The following PPP1R16A variants were observed in gnomAD, a reference collection of about 807,000 sequenced individuals.
PPP1R16A encodes the protein protein phosphatase 1 regulatory subunit 16A.
Under a neutral mutation model 46.6 loss-of-function variants are expected in PPP1R16A, and 39 were observed. The ratio of observed to expected loss-of-function variants is 0.84; its 90% CI spans 0.65 to 1.09. PPP1R16A has a LOEUF of 1.09. PPP1R16A is among the 50% of genes least tolerant of loss of function. PPP1R16A has a pLI of 0.00. For missense variants in PPP1R16A, 798 were observed against 735.6 expected (o/e 1.08, Z -0.98); for synonymous variants, 413 against 321.5 (o/e 1.28, Z -3.04).
chr8:144,499,691 G>A (rs183980344), intron 5 of PPP1R16A: 2,620 of 225,994 alleles, frequency 0.012, 29 homozygotes, highest in South Asian at 0.018. Context: ...CCCCTTCTGT[G>A]TTCTGGGCTC....
At chr8:144,486,058 T>C (rs559821203) in intron 1 of PPP1R16A, among the ~76,000 whole-genome samples, 1 of 152,356 alleles carries the variant, frequency 6.6e-6, no homozygotes, top group East Asian at 1.9e-4. Flanking sequence ...ATGTTTCACC[T>C]GTTACAAGAC....
At chr8:144,497,985 C>T (rs758183757) in intron 3 of PPP1R16A, 4 of 453,836 alleles carry the variant, frequency 8.8e-6, no homozygotes, top group South Asian at 4.7e-5. Context: ...ACCTGTGCCC[C>T]ACGCTTGCAG....
intron 5 of PPP1R16A, chr8:144,499,316 A>C (rs941249549): frequency 4.7e-5 from 25 of 536,732 alleles, no homozygotes; most frequent in Admixed American, 1.7e-4. Flanking sequence ...GCCCCCCCCC[A>C]GAGTGTGCAC....
chr8:144,487,045 T>A (rs952266908), intron 1 of PPP1R16A, among the ~76,000 whole-genome samples: 2 of 152,196 alleles, frequency 1.3e-5, no homozygotes, highest in Non-Finnish European at 2.9e-5. Context: ...TGGAGTGCAG[T>A]GGTGTGATCT....
rs998202306 is a variant in PPP1R16A at position 144,488,431 on chromosome 8, G to A, written c.-913-1603G>A. Among the ~76,000 whole-genome samples the A allele has an allele frequency of 3.3e-5, 5 of 152,178 alleles. No individual in the cohort carries two copies. The South Asian group carries it at 1.0e-3, about 31-fold the overall frequency. On this transcript the variant is annotated intron_variant, in intron 1 of 11. Transcript: ENST00000435887. ...GGGCATGGGGCAAGGTGAGGGCATG[G>A]CAGCGAGGGAGGCACTGGAGTGTTG...
In PPP1R16A at chr8:144,500,302, G is replaced by T; in HGVS notation, c.616G>T (p.Val206Leu). ...GGACAGCATCGAGGCCGCCCGGGCC[G>T]TGCCAGAACTGCGCATGCTGGACGA... ...TQDSIEAARA[V>L]PELRMLDDIR... Residue 206 changes from valine (V) to leucine (L), a missense_variant, in exon 7 of 12, where the codon GTG (valine) becomes TTG (leucine). Physicochemically the swap from Val to Leu is conservative, Grantham distance 32. Transcript: ENST00000435887. 6.5e-7 allele frequency: 1 copy of T among 1,544,186 alleles called. No individual in the cohort carries two copies.
chr8:144,481,765 T>G (rs1825436646), intron 1 of PPP1R16A, among the ~76,000 whole-genome samples: 1 of 152,176 alleles, frequency 6.6e-6, no homozygotes, highest in Non-Finnish European at 1.5e-5. Flanking sequence ...CGTAGTTGAT[T>G]CCCTTTTTCT....
At chr8:144,481,774 C>G (rs1258914205) in intron 1 of PPP1R16A, among the ~76,000 whole-genome samples, 4 of 152,058 alleles carry the variant, frequency 2.6e-5, no homozygotes, top group Non-Finnish European at 5.9e-5. Flanking sequence ...TTCCCTTTTT[C>G]TTTTTTCTTT....
In PPP1R16A at chr8:144,501,300, C is replaced by T. The variant is rs1826447518; in HGVS notation, c.1203+6C>T. 14 of 1,572,692 alleles carry T rather than the reference C, an allele frequency of 8.9e-6. No homozygotes were observed. The highest frequency in any genetic ancestry group is 2.3e-5 in the East Asian group (1 of 42,984). ...TCAGGCCGCCGCCCCCGGAGGTGAG[C>T]GCCCCGTCCCTGCTCCGCCCAGCGC... On this transcript the variant is annotated splice_donor_region_variant and intron_variant, in intron 11 of 11. Transcript: ENST00000435887.
At chr8:144,489,004 G>GACCA (rs1235167847) in intron 1 of PPP1R16A, among the ~76,000 whole-genome samples, 1 of 151,360 alleles carries the variant, frequency 6.6e-6, no homozygotes, top group Admixed American at 6.6e-5. Flanking sequence ...AGGAGTTCAA[G>GACCA]ACCAGCCTTG....
Position 144,500,908 on chromosome 8 carries a change from T to A in PPP1R16A, c.974T>A (p.Leu325Gln). Reference sequence around the variant, plus strand: ...CTGAAGCACAAGCACGACGCCCTCCTGCGCGCCCAGAGCCGCCAGCGCTCC... The same window carrying A: ...CTGAAGCACAAGCACGACGCCCTCCAGCGCGCCCAGAGCCGCCAGCGCTCC... ...LELKHKHDAL[L>Q]RAQSRQRSLL... Residue 325 changes from leucine to glutamine, a missense_variant, in exon 10 of 12, where the codon CTG (leucine) becomes CAG (glutamine). By Grantham distance (113) the Leu-to-Gln change is moderately radical. Transcript: ENST00000435887. 1 of 1,536,180 alleles carries A rather than the reference T, an allele frequency of 6.5e-7. No homozygotes were observed. The highest frequency in any genetic ancestry group is 8.7e-7 in the Non-Finnish European group (1 of 1,143,946).
rs933861282 is a variant in PPP1R16A at position 144,497,011 on chromosome 8, C to A, written c.-184C>A. ...CCTCCCTGCCCCGGCCCATGCCCCC[C>A]AGGGCTGCCTGGGCCTGGTTATTGT... On this transcript the variant is annotated 5_prime_UTR_variant, in exon 3 of 12. Transcript: ENST00000435887. 1.0e-5 allele frequency: 8 copies of A among 776,828 alleles called. No individual in the cohort carries two copies. Among genetic ancestry groups the A allele is most frequent in the Non-Finnish European group, 1.6e-5 (8 of 492,392 alleles). The allele number at this position is 776,828 out of a possible 1,614,324, so 48.1% of individuals were successfully genotyped here.
At chr8:144,482,424 G>T (rs540164532) in intron 1 of PPP1R16A, among the ~76,000 whole-genome samples, 6 of 152,128 alleles carry the variant, frequency 3.9e-5, no homozygotes, top group African/African-American at 1.4e-4. Flanking sequence ...GTCTTGCTCT[G>T]TTGCTCAGGC....
rs1034341557 is a variant in PPP1R16A at position 144,501,291 on chromosome 8, G to C, written c.1200G>C (p.Pro400=). The part of the protein sequence containing the change: ...QTGAELRPPP[P]EEDNPEVVRP... ...GCGCAGAGCTCAGGCCGCCGCCCCC[G>C]GAGGTGAGCGCCCCGTCCCTGCTCC... The change falls in exon 11 of 12, where the codon CCG becomes CCC. Residue 400 remains proline (P), a synonymous_variant. Coordinates refer to ENST00000435887, the MANE Select transcript of PPP1R16A (RefSeq NM_001329443.2). 6.3e-7 allele frequency: 1 copy of C among 1,580,264 alleles called. No individual in the cohort carries two copies. The highest frequency in any genetic ancestry group is 1.3e-5 in the African/African-American group (1 of 74,362).
At chr8:144,486,212 C>T (rs916223172) in intron 1 of PPP1R16A, among the ~76,000 whole-genome samples, 4 of 151,708 alleles carry the variant, frequency 2.6e-5, no homozygotes, top group African/African-American at 4.9e-5. Flanking sequence ...GGTGTGATCT[C>T]GCGCCACCAC....
At position 144,501,924 on chromosome 8, in the gene PPP1R16A, G is replaced by A. The variant is rs763406811; in HGVS notation, c.*21G>A. On this transcript the variant is annotated 3_prime_UTR_variant, in exon 12 of 12. Coordinates refer to ENST00000435887, the MANE Select transcript of PPP1R16A (RefSeq NM_001329443.2). Reference sequence around the variant, plus strand: ...TGTGAGGCTGTTGCTCAGCATGCAGGGGCCCTGTCGCGGGCACAGCCCAAG... The same window carrying A: ...TGTGAGGCTGTTGCTCAGCATGCAGAGGCCCTGTCGCGGGCACAGCCCAAG... The A allele has an allele frequency of 1.3e-6, 2 of 1,495,880 alleles. No individual in the cohort carries two copies. Among genetic ancestry groups the A allele is most frequent in the African/African-American group, 1.4e-5 (1 of 72,270 alleles). The allele number at this position is 1,495,880 out of a possible 1,614,324, so 92.7% of individuals were successfully genotyped here.
In PPP1R16A at chr8:144,497,883, T is replaced by G. The variant is rs1270060305; in HGVS notation, c.259+430T>G. On this transcript the variant is annotated intron_variant, in intron 3 of 11. Coordinates refer to ENST00000435887, the MANE Select transcript of PPP1R16A (RefSeq NM_001329443.2). ...GGGTGGGACCAGCCACCTCTGTGGG[T>G]GAGAGAGCCAGGCCCTGGGCAGGCA... 16 of 367,880 alleles carry G rather than the reference T, an allele frequency of 4.3e-5. No homozygotes were observed. In the Admixed American group the frequency reaches 5.5e-4, roughly 13 times the overall value. 22.8% of individuals were successfully genotyped at this position (367,880 alleles called of 1,614,324 possible). A position where few individuals can be genotyped will look rare whatever the true frequency, so the allele number is the denominator to read the frequency against.
At position 144,497,260 on chromosome 8, in the gene PPP1R16A, G is replaced by A. The variant is rs1446207407; in HGVS notation, c.66G>A (p.Arg22=). The part of the protein sequence containing the change: ...PMVGRMSTQE[R]LKHAQKRRAQ... ...TGGGCAGGATGAGCACACAGGAGCG[G>A]CTGAAGCATGCCCAGAAGCGGCGCG... The change falls in exon 3 of 12, where the codon CGG becomes CGA. Residue 22 remains arginine (R), a synonymous_variant. Coordinates refer to ENST00000435887, the MANE Select transcript of PPP1R16A (RefSeq NM_001329443.2). The A allele has an allele frequency of 6.2e-7, 1 of 1,609,040 alleles. No individual in the cohort carries two copies.
At position 144,485,494 on chromosome 8, in the gene PPP1R16A, A is replaced by C. The variant is rs965204823; in HGVS notation, c.-913-4540A>C. On this transcript the variant is annotated intron_variant, in intron 1 of 11. Coordinates refer to ENST00000435887, the MANE Select transcript of PPP1R16A (RefSeq NM_001329443.2). ...AGCTGAGATTGCGCCACTGCACTGCAGCCCGGGCAACAGAGCAACACTCCA... is the reference window on the plus strand; with the variant it reads ...AGCTGAGATTGCGCCACTGCACTGCCGCCCGGGCAACAGAGCAACACTCCA... Among the ~76,000 whole-genome samples, 13 of 151,340 alleles carry C rather than the reference A, an allele frequency of 8.6e-5. No homozygotes were observed. In the East Asian group the frequency reaches 2.5e-3, roughly 29 times the overall value.
Sources: gnomAD v4.1 joint callset for allele counts (sites outside exome capture counted in the v4.1 genomes callset) on GRCh38, gnomAD v4.1.1 for gene constraint, MANE v1.5 for transcripts, NCBI Gene and HGNC (gene_info 2026-07-23, HGNC 2026-07-21) for gene names.